CDH12: variants seen among roughly 807,000 people sequenced by gnomAD.
CDH12 encodes cadherin-12.
In CDH12, 41 loss-of-function variants were observed where a neutral mutation model predicts 74.1. The observed-to-expected ratio is 0.55, with a 90% CI of 0.43 to 0.72. The LOEUF is 0.72. CDH12 is among the 30% of genes least tolerant of loss of function. CDH12 has a pLI of 0.00. For missense variants in CDH12, 945 were observed against 977.2 expected (o/e 0.97, Z 0.44); for synonymous variants, 399 against 355.0 (o/e 1.12, Z -1.39).
At chr5:22,270,411 T>C (rs1428582206) in intron 3 of CDH12, among the ~76,000 whole-genome samples, 2 of 151,792 alleles carry the variant, frequency 1.3e-5, no homozygotes, top group African/African-American at 4.8e-5. Flanking sequence ...CTGGATAACA[T>C]GGTGAAACCC....
intron 1 of CDH12, among the ~76,000 whole-genome samples, chr5:22,668,668 C>G (rs1181130445): frequency 6.6e-6 from 1 of 152,142 alleles, no homozygotes; most frequent in East Asian, 1.9e-4. Context: ...AATCCAGTAA[C>G]CCATTAATCT....
At chr5:22,148,003 T>C (rs1397184963) in intron 4 of CDH12, among the ~76,000 whole-genome samples, 1 of 152,220 alleles carries the variant, frequency 6.6e-6, no homozygotes, top group African/African-American at 2.4e-5. Context: ...ACACCAGTGG[T>C]TTCCATCCTA....
At chr5:22,354,586 A>T (rs1385027265) in intron 3 of CDH12, among the ~76,000 whole-genome samples, 4 of 152,280 alleles carry the variant, frequency 2.6e-5, no homozygotes, top group African/African-American at 7.2e-5. Flanking sequence ...TTGAGTACAG[A>T]TATCTAGGTC....
chr5:22,691,932 CCCACT>C (rs1416405675), intron 1 of CDH12, among the ~76,000 whole-genome samples: 3 of 152,156 alleles, frequency 2.0e-5, no homozygotes, highest in Non-Finnish European at 2.9e-5. Flanking sequence ...TTCTTTTCCT[CCCACT>C]TCACTTTAAC....
chr5:22,010,402 A>G (rs1737230943), intron 5 of CDH12, among the ~76,000 whole-genome samples: 1 of 152,158 alleles, frequency 6.6e-6, no homozygotes, highest in East Asian at 1.9e-4. Context: ...AACCACCTAT[A>G]TTACATGTGT....
intron 1 of CDH12, among the ~76,000 whole-genome samples, chr5:22,592,340 T>G (rs1736375620): frequency 6.6e-6 from 1 of 152,100 alleles, no homozygotes; most frequent in South Asian, 2.1e-4. Flanking sequence ...TTTTCTTCTT[T>G]CCTCTCTTCT....
chr5:22,787,005 ATTAAT>A (rs969120394), intron 1 of CDH12, among the ~76,000 whole-genome samples: 4 of 151,852 alleles, frequency 2.6e-5, no homozygotes, highest in Admixed American at 2.0e-4. Context: ...TTTTTGATTA[ATTAAT>A]TTATTAATTT....
chr5:21,900,191 A>G (rs926781782), intron 6 of CDH12, among the ~76,000 whole-genome samples: 24 of 152,180 alleles, frequency 1.6e-4, no homozygotes, highest in African/African-American at 5.5e-4. Flanking sequence ...TGAATCCCAG[A>G]GCATATATCC....
At chr5:22,289,967 G>T (rs1737311120) in intron 3 of CDH12, among the ~76,000 whole-genome samples, 1 of 152,090 alleles carries the variant, frequency 6.6e-6, no homozygotes, top group Non-Finnish European at 1.5e-5. Flanking sequence ...CAGGGAATTT[G>T]AGCCCTTGAC....
intron 3 of CDH12, among the ~76,000 whole-genome samples, chr5:22,378,483 T>C (rs563862828): frequency 2.0e-5 from 3 of 152,192 alleles, no homozygotes; most frequent in South Asian, 4.1e-4. Flanking sequence ...AGTAAAATCA[T>C]ATAGTTTGTA....
At chr5:22,376,808 C>T (rs1172866814) in intron 3 of CDH12, among the ~76,000 whole-genome samples, 3 of 151,582 alleles carry the variant, frequency 2.0e-5, no homozygotes. Flanking sequence ...CAGACGTGAG[C>T]CGCTGTACCT....
chr5:22,796,514 C>CTTTTTTTTT (rs70959756), intron 1 of CDH12, among the ~76,000 whole-genome samples: 2 of 59,754 alleles, frequency 3.3e-5, no homozygotes, highest in Non-Finnish European at 5.4e-5. Flanking sequence ...GATTTTTTAT[C>CTTTTTTTTT]TTTTTTTTTT....
At chr5:22,819,548 T>C (rs1468410367) in intron 1 of CDH12, among the ~76,000 whole-genome samples, 1 of 151,992 alleles carries the variant, frequency 6.6e-6, no homozygotes, top group Admixed American at 6.6e-5. Context: ...GGAAAAAAGC[T>C]ATGCAAACAC....
intron 6 of CDH12, chr5:21,882,843 G>A: frequency 6.4e-7 from 1 of 1,565,688 alleles, no homozygotes. Context: ...AAAGTCAATT[G>A]ACTTGAAGGA....
intron 4 of CDH12, among the ~76,000 whole-genome samples, chr5:22,091,842 TG>T (rs1743453250): frequency 6.6e-6 from 1 of 151,928 alleles, no homozygotes; most frequent in Non-Finnish European, 1.5e-5. Context: ...AATGTGGTAC[TG>T]GCATAAGTAT....
chr5:22,374,160 A>G (rs371652378), intron 3 of CDH12, among the ~76,000 whole-genome samples: 1 of 152,202 alleles, frequency 6.6e-6, no homozygotes, highest in Non-Finnish European at 1.5e-5. Context: ...TTCACAATAT[A>G]CAAATCAATA....
intron 1 of CDH12, among the ~76,000 whole-genome samples, chr5:22,769,042 C>A (rs1278017213): frequency 6.6e-6 from 1 of 152,154 alleles, no homozygotes; most frequent in Admixed American, 6.6e-5. Flanking sequence ...AGCAAGCATA[C>A]AACATGCACA....
At chr5:22,746,440 A>G (rs186881361) in intron 1 of CDH12, among the ~76,000 whole-genome samples, 163 of 152,326 alleles carry the variant, frequency 1.1e-3, no homozygotes, top group Non-Finnish European at 2.2e-4. Flanking sequence ...TTTATCAGAG[A>G]TCTGTTTAAA....
chr5:21,801,208 A>T (rs6451998), intron 10 of CDH12, among the ~76,000 whole-genome samples: 98,371 of 152,110 alleles, frequency 0.65, 33,802 homozygotes, highest in Non-Finnish European at 0.77. Context: ...CACTTGATCC[A>T]TTGTTTTAAT....
Sources: allele counts gnomAD v4.1 joint callset (sites outside exome capture counted in the v4.1 genomes callset), GRCh38; gene constraint gnomAD v4.1.1; transcripts MANE v1.5; gene names NCBI Gene and HGNC (gene_info 2026-07-23, HGNC 2026-07-21).